Variants in PDS5B observed in about 807,000 individuals in gnomAD.
PDS5B encodes sister chromatid cohesion protein PDS5 homolog B.
In PDS5B, 51 loss-of-function variants were observed where a neutral mutation model predicts 184.1. The ratio of observed to expected loss-of-function variants is 0.28; its 90% CI spans 0.22 to 0.35. PDS5B has a LOEUF of 0.35. Among genes scored for constraint, PDS5B ranks in the 10% least tolerant of loss-of-function variants. The pLI is 1.00. For synonymous variants in PDS5B, 566 were observed against 569.2 expected (o/e 0.99, Z 0.08); for missense variants, 1,180 against 1,723.3 (o/e 0.68, Z 5.58).
chr13:32,712,221 A>G (rs1952231839), intron 19 of PDS5B, among the ~76,000 whole-genome samples: 1 of 152,254 alleles, frequency 6.6e-6, no homozygotes, highest in Non-Finnish European at 1.5e-5. Flanking sequence ...AAAGGTGGAC[A>G]TTTTAAAATG....
At chr13:32,706,627 G>A (rs1266503690) in intron 17 of PDS5B, among the ~76,000 whole-genome samples, 1 of 152,064 alleles carries the variant, frequency 6.6e-6, no homozygotes. Flanking sequence ...AAAATAATTT[G>A]TCATTTATGT....
chr13:32,744,080 A>C (rs575857306), intron 23 of PDS5B, among the ~76,000 whole-genome samples: 42 of 152,178 alleles, frequency 2.8e-4, no homozygotes, highest in Non-Finnish European at 5.4e-4. Flanking sequence ...ACATTCAGGC[A>C]GATTGAAGAC....
chr13:32,633,402 A>C (rs2058488747), intron 1 of PDS5B, among the ~76,000 whole-genome samples: 3 of 152,236 alleles, frequency 2.0e-5, no homozygotes. Context: ...ATTCTGTCTT[A>C]ATAAAACTAT....
chr13:32,748,045 T>C (rs935829793), intron 24 of PDS5B, among the ~76,000 whole-genome samples: 2 of 152,228 alleles, frequency 1.3e-5, no homozygotes, highest in African/African-American at 2.4e-5. Context: ...GCCTAAACTT[T>C]AAGATTGCTT....
chr13:32,680,857 T>A (rs542569318), intron 10 of PDS5B, among the ~76,000 whole-genome samples: 3 of 152,262 alleles, frequency 2.0e-5, no homozygotes, highest in South Asian at 2.1e-4. Flanking sequence ...GAATTTTTTT[T>A]ATTGAAATAT....
At chr13:32,743,624 C>T (rs1434180207) in intron 23 of PDS5B, among the ~76,000 whole-genome samples, 1 of 152,016 alleles carries the variant, frequency 6.6e-6, no homozygotes, top group South Asian at 2.1e-4. Flanking sequence ...TGCCTTCTGC[C>T]TTTCCATCTT....
intron 30 of PDS5B, among the ~76,000 whole-genome samples, chr13:32,761,967 T>A (rs1954418682): frequency 6.6e-6 from 1 of 152,202 alleles, no homozygotes; most frequent in Admixed American, 6.5e-5. Context: ...CACCAGCATC[T>A]GTTGTTTTTT....
intron 1 of PDS5B, among the ~76,000 whole-genome samples, chr13:32,594,757 A>C (rs1041409916): frequency 1.3e-5 from 2 of 152,024 alleles, no homozygotes; most frequent in African/African-American, 4.8e-5. Flanking sequence ...CTATTCCTAC[A>C]CCTTTTTTTG....
chr13:32,717,120 C>T (rs1318010907), intron 19 of PDS5B, among the ~76,000 whole-genome samples: 9 of 151,898 alleles, frequency 5.9e-5, no homozygotes, highest in African/African-American at 2.2e-4. Context: ...GTGAGGGGCG[C>T]CTCTGCCCGG....
chr13:32,632,878 C>T (rs958762088), intron 1 of PDS5B, among the ~76,000 whole-genome samples: 1 of 151,910 alleles, frequency 6.6e-6, no homozygotes, highest in South Asian at 2.1e-4. Flanking sequence ...CTGAGGCAGG[C>T]GGATCTTGAG....
intron 1 of PDS5B, among the ~76,000 whole-genome samples, chr13:32,595,022 G>C (rs1421043325): frequency 6.6e-6 from 1 of 152,054 alleles, no homozygotes; most frequent in Non-Finnish European, 1.5e-5. Context: ...TATGTCCCCT[G>C]ACCATTCTCC....
intron 25 of PDS5B, 39 bp downstream of exon 25, chr13:32,753,575 C>A: frequency 7.1e-7 from 1 of 1,405,870 alleles, no homozygotes; most frequent in Admixed American, 1.9e-5. Context: ...CTTTTTCAGC[C>A]TGCTAGTTTC....
rs571082819 is a variant in PDS5B at position 32,679,509 on chromosome 13, G to A, written c.1057+580G>A. The stretch of plus-strand genomic sequence containing the variant: ...AAATTAGCTGGGTGTGATGGCATGC[G>A]CCTATAATCCCAGCTACTCAGGAGG... On this transcript the variant is annotated intron_variant, in intron 10 of 34. Coordinates refer to ENST00000315596, the MANE Select transcript of PDS5B (RefSeq NM_015032.4). Among the ~76,000 whole-genome samples, 11 of 152,168 alleles carry A rather than the reference G, an allele frequency of 7.2e-5. No individual in the cohort carries two copies. The East Asian group carries it at 1.7e-3, about 24-fold the overall frequency.
chr13:32,630,403 C>T (rs934433131), intron 1 of PDS5B, among the ~76,000 whole-genome samples: 1 of 152,024 alleles, frequency 6.6e-6, no homozygotes, highest in African/African-American at 2.4e-5. Context: ...GGTGTGCATG[C>T]CCTCCTCATA....
Position 32,770,541 on chromosome 13 carries a change from T to G in PDS5B, c.4045T>G (p.Ser1349Ala). 2 of 1,608,184 alleles carry G rather than the reference T, an allele frequency of 1.2e-6. No individual in the cohort carries two copies. Among genetic ancestry groups the G allele is most frequent in the Non-Finnish European group, 1.7e-6 (2 of 1,178,574 alleles). ...QKSKSKQHRV[S>A]RRAQQRAESP... The stretch of plus-strand genomic sequence containing the variant: ...GTCCAAAAGCAAACAGCACCGAGTG[T>G]CAAGGAGAGCACAGCAGAGGTAAGC... The change falls in exon 32 of 35, where the codon TCA becomes GCA. Residue 1349 changes from serine to alanine, a missense_variant. Ser to Ala is a moderately conservative substitution (Grantham distance 99). Transcript: ENST00000315596.
chr13:32,623,285 A>G (rs2140542484), intron 1 of PDS5B, among the ~76,000 whole-genome samples: 1 of 152,306 alleles, frequency 6.6e-6, no homozygotes, highest in Admixed American at 6.5e-5. Context: ...TCTTGTGACC[A>G]CTGGCTACAT....
At chr13:32,766,336 G>A (rs147717459) in intron 31 of PDS5B, among the ~76,000 whole-genome samples, 6 of 152,120 alleles carry the variant, frequency 3.9e-5, no homozygotes, top group African/African-American at 1.2e-4. Context: ...TTACCTTTTG[G>A]GATAGTACAG....
chr13:32,775,618 AG>A lies in PDS5B; in HGVS notation c.*568del, dbSNP rs1410676243. On this transcript the variant is annotated 3_prime_UTR_variant, in exon 35 of 35. Coordinates refer to ENST00000315596, the MANE Select transcript of PDS5B (RefSeq NM_015032.4). The stretch of plus-strand genomic sequence containing the variant: ...ACTCCTGGGCACCCTTAATCTTCAG[AG>A]GTGCTAAATTGTCTGCCATTACACC... The A allele has an allele frequency of 4.4e-6, 2 of 455,978 alleles. No homozygotes were observed. The highest frequency in any genetic ancestry group is 3.3e-4 in the Middle Eastern group (1 of 3,064). 28.2% of individuals were successfully genotyped at this position (455,978 alleles called of 1,614,324 possible). A position where few individuals can be genotyped will look rare whatever the true frequency, so the allele number is the denominator to read the frequency against.
chr13:32,621,672 ATT>A (rs67595158), intron 1 of PDS5B, among the ~76,000 whole-genome samples: 4 of 151,344 alleles, frequency 2.6e-5, no homozygotes, highest in African/African-American at 7.3e-5. Flanking sequence ...TGTTAATTAC[ATT>A]TTTTTTTCTA....
Sources: allele counts gnomAD v4.1 joint callset (sites outside exome capture counted in the v4.1 genomes callset), GRCh38; gene constraint gnomAD v4.1.1; transcripts MANE v1.5; gene names NCBI Gene and HGNC (gene_info 2026-07-23, HGNC 2026-07-21).